Variants in SPINK8 observed in about 807,000 individuals in gnomAD.
SPINK8 encodes serine protease inhibitor Kazal-type 8.
In SPINK8, 12 loss-of-function variants were observed where a neutral mutation model predicts 14.4. The ratio of observed to expected loss-of-function variants is 0.83; its 90% confidence interval spans 0.53 to 1.35. The LOEUF (loss-of-function observed/expected upper bound fraction) is 1.35. SPINK8 is among the 40% of genes most tolerant of loss of function. The pLI is 0.00. For synonymous variants in SPINK8, 32 were observed against 37.6 expected, an observed-to-expected ratio of 0.85 and a Z score of 0.55; for missense variants, 103 against 117.0, an observed-to-expected ratio of 0.88 and a Z score of 0.55.
At chr3:48,332,963 C>T (rs1385974961) in intron 1 of SPINK8, among the ~76,000 whole-genome samples, 1 of 151,612 alleles carries the variant, frequency 6.6e-6, no homozygotes, top group African/African-American at 2.4e-5. Context: ...TATTGGCACT[C>T]TTTGGTTCAT....
At chr3:48,329,059 G>T (rs1338506871) in intron 3 of SPINK8, among the ~76,000 whole-genome samples, 94 bp downstream of exon 3, 1 of 151,900 alleles carries the variant, frequency 6.6e-6, no homozygotes, top group Non-Finnish European at 1.5e-5. Context: ...ATTCTATATC[G>T]AGGTAATTTC....
chr3:48,315,178 C>G (rs577171127), intron 6 of SPINK8, among the ~76,000 whole-genome samples: 1 of 152,290 alleles, frequency 6.6e-6, no homozygotes, highest in Admixed American at 6.5e-5. Flanking sequence ...TCAGAAGTCA[C>G]TAAACTAACA....
chr3:48,319,168 G>A (rs2036034679), intron 6 of SPINK8, among the ~76,000 whole-genome samples: 2 of 152,228 alleles, frequency 1.3e-5, no homozygotes, highest in South Asian at 4.1e-4. Flanking sequence ...TCTTTGGCCT[G>A]AGGGGGCATG....
chr3:48,319,981 T>C (rs2036049429), intron 5 of SPINK8, among the ~76,000 whole-genome samples: 1 of 150,832 alleles, frequency 6.6e-6, no homozygotes, highest in Non-Finnish European at 1.5e-5. Context: ...ATACAAAAAA[T>C]TAGCCGGGCG....
chr3:48,313,590 T>G (rs1258332894), intron 6 of SPINK8, among the ~76,000 whole-genome samples: 1 of 152,224 alleles, frequency 6.6e-6, no homozygotes, highest in Non-Finnish European at 1.5e-5. Flanking sequence ...AATTACCATA[T>G]AACTCAGCAA....
chr3:48,310,931 A>G (rs768176344), intron 6 of SPINK8, among the ~76,000 whole-genome samples: 4 of 152,218 alleles, frequency 2.6e-5, no homozygotes, highest in Non-Finnish European at 4.4e-5. Context: ...CAAAGACATC[A>G]CATAAAGGAA....
chr3:48,332,035 C>T (rs1438933715), intron 2 of SPINK8, among the ~76,000 whole-genome samples: 2 of 152,128 alleles, frequency 1.3e-5, no homozygotes, highest in African/African-American at 4.8e-5. Flanking sequence ...TCCAGTGATA[C>T]CCTTGAAATA....
At chr3:48,330,995 C>T (rs2036249097) in intron 2 of SPINK8, among the ~76,000 whole-genome samples, 2 of 151,902 alleles carry the variant, frequency 1.3e-5, no homozygotes, top group African/African-American at 4.8e-5. Context: ...TCATCAATAT[C>T]ACAGCATGGG....
intron 5 of SPINK8, 139 bp downstream of exon 5, chr3:48,320,886 G>T: frequency 1.3e-6 from 1 of 760,892 alleles, no homozygotes; most frequent in Non-Finnish European, 2.1e-6. Context: ...CACATACTTG[G>T]TGACTCAGCT....
chr3:48,307,680 A>G (rs1197073498), intron 7 of SPINK8, among the ~76,000 whole-genome samples: 1 of 152,084 alleles, frequency 6.6e-6, no homozygotes, highest in East Asian at 1.9e-4. Context: ...ACTCATATAT[A>G]TGAGTACATA....
At chr3:48,321,157 T>C (rs959987223) in intron 4 of SPINK8, 83 bp from the exon 5 acceptor site, 33 of 1,387,692 alleles carry the variant, frequency 2.4e-5, no homozygotes, top group Admixed American at 9.0e-5. Context: ...GGAACCCTAG[T>C]TGGCACACAG....
intron 6 of SPINK8, among the ~76,000 whole-genome samples, chr3:48,312,892 G>A (rs778586881): frequency 3.3e-5 from 5 of 151,848 alleles, no homozygotes; most frequent in South Asian, 4.2e-4. Flanking sequence ...CAGCTACTCC[G>A]GAGGCTGAGG....
intron 6 of SPINK8, among the ~76,000 whole-genome samples, chr3:48,317,246 T>C (rs2036005190): frequency 6.6e-6 from 1 of 152,146 alleles, no homozygotes; most frequent in Non-Finnish European, 1.5e-5. Context: ...CCCAGCACTT[T>C]GGGAGGCCGA....
At chr3:48,310,346 A>G (rs560710069) in intron 6 of SPINK8, among the ~76,000 whole-genome samples, 1 of 152,338 alleles carries the variant, frequency 6.6e-6, no homozygotes, top group South Asian at 2.1e-4. Flanking sequence ...GATGAAATGA[A>G]CAAATTCCTA....
intron 7 of SPINK8, among the ~76,000 whole-genome samples, 165 bp from the exon 8 acceptor site, chr3:48,307,168 C>T (rs1481185440): frequency 3.3e-5 from 5 of 152,122 alleles, no homozygotes; most frequent in African/African-American, 1.2e-4. Context: ...AAGGAAAAAG[C>T]AGAGTGAAAG....
At chr3:48,327,102 G>A (rs984553688) in intron 4 of SPINK8, among the ~76,000 whole-genome samples, 1 of 152,118 alleles carries the variant, frequency 6.6e-6, no homozygotes, top group African/African-American at 2.4e-5. Context: ...ATAGTAGTAA[G>A]GGCCACATCA....
At chr3:48,325,491 C>G (rs2036126648) in intron 4 of SPINK8, among the ~76,000 whole-genome samples, 1 of 150,496 alleles carries the variant, frequency 6.6e-6, no homozygotes, top group Admixed American at 6.6e-5. Flanking sequence ...CTGGTACATT[C>G]TTGGCTCACT....
intron 2 of SPINK8, among the ~76,000 whole-genome samples, chr3:48,331,731 G>A (rs760726058): frequency 9.9e-5 from 15 of 152,240 alleles, no homozygotes; most frequent in Non-Finnish European, 1.2e-4. Flanking sequence ...AAATGGTAAA[G>A]TTCCCTAGTC....
intron 4 of SPINK8, among the ~76,000 whole-genome samples, chr3:48,327,170 A>C (rs1235413102): frequency 1.3e-5 from 2 of 152,234 alleles, no homozygotes; most frequent in Non-Finnish European, 2.9e-5. Flanking sequence ...AAAAATGACA[A>C]CTATTGTAGC....
Sources: allele counts gnomAD v4.1 joint callset (sites outside exome capture counted in the v4.1 genomes callset), GRCh38; gene constraint gnomAD v4.1.1; transcripts MANE v1.5; gene names NCBI Gene and HGNC (gene_info 2026-07-23, HGNC 2026-07-21).